The following SLC35A3 variants were observed in gnomAD, a reference collection of about 807,000 sequenced individuals.
SLC35A3 encodes the protein solute carrier family 35 member A3, also known as UDP-N-acetylglucosamine transporter.
A neutral mutation model predicts 39.0 loss-of-function variants in SLC35A3; 26 were observed. The ratio of observed to expected loss-of-function variants is 0.67; its 90% CI spans 0.49 to 0.92. SLC35A3 has a LOEUF of 0.92. Ranked by LOEUF, SLC35A3 falls within the 40% of genes least tolerant of loss-of-function variation. SLC35A3 has a pLI of 0.00. For synonymous variants in SLC35A3, 135 were observed against 133.1 expected (o/e 1.01, Z -0.10); for missense variants, 299 against 371.6 (o/e 0.80, Z 1.61).
At chr1:99,999,438 T>A in intron 3 of SLC35A3, 23 bp downstream of exon 3, 2 of 1,545,044 alleles carry the variant, frequency 1.3e-6, no homozygotes, top group Non-Finnish European at 1.7e-6. Context: ...CATTTCTTTC[T>A]TTTTTAAAAA....
chr1:99,975,311 G>A (rs985342620), intron 1 of SLC35A3, among the ~76,000 whole-genome samples: 16 of 152,038 alleles, frequency 1.1e-4, no homozygotes, highest in Admixed American at 3.9e-4. Flanking sequence ...ATATTGTGGC[G>A]TTTATTTATT....
intron 1 of SLC35A3, among the ~76,000 whole-genome samples, chr1:99,988,820 C>T (rs568856295): frequency 6.6e-6 from 1 of 151,536 alleles, no homozygotes; most frequent in Non-Finnish European, 1.5e-5. Context: ...GGCTAGAATA[C>T]AGCAGTTCAA....
chr1:99,974,420 T>C (rs778531661), intron 1 of SLC35A3, among the ~76,000 whole-genome samples: 6 of 152,246 alleles, frequency 3.9e-5, no homozygotes, highest in Non-Finnish European at 8.8e-5. Flanking sequence ...GAATGTGAAC[T>C]CAGTCTGAGA....
chr1:99,994,485 A>T (rs1658270573), intron 2 of SLC35A3, among the ~76,000 whole-genome samples: 2 of 152,210 alleles, frequency 1.3e-5, no homozygotes, highest in Admixed American at 6.5e-5. Context: ...GTAACCTCTA[A>T]TTCACTTTCT....
At chr1:99,988,480 T>A (rs979673357) in intron 1 of SLC35A3, among the ~76,000 whole-genome samples, 3 of 152,218 alleles carry the variant, frequency 2.0e-5, no homozygotes, top group Admixed American at 6.5e-5. Context: ...AATAAATCTC[T>A]TATAAATATT....
intron 3 of SLC35A3, 30 bp from the exon 4 acceptor site, chr1:100,007,004 C>G: frequency 1.3e-6 from 2 of 1,572,152 alleles, no homozygotes; most frequent in South Asian, 2.4e-5. Flanking sequence ...AACAAACGAA[C>G]ATTAATAATA....
chr1:99,994,651 T>G (rs1029950816), intron 2 of SLC35A3, among the ~76,000 whole-genome samples: 4 of 152,206 alleles, frequency 2.6e-5, no homozygotes, highest in Admixed American at 2.6e-4. Context: ...AACATTCTAT[T>G]GTATGGACGT....
chr1:99,988,779 T>G (rs959905981), intron 1 of SLC35A3, among the ~76,000 whole-genome samples: 3 of 151,818 alleles, frequency 2.0e-5, no homozygotes, highest in Non-Finnish European at 2.9e-5. Context: ...CTATACTCTT[T>G]TTATTTGAGA....
At chr1:99,985,448 A>G (rs1416319053) in intron 1 of SLC35A3, among the ~76,000 whole-genome samples, 4 of 152,154 alleles carry the variant, frequency 2.6e-5, no homozygotes, top group Admixed American at 1.3e-4. Context: ...TAACAGTACC[A>G]TGCTGTTTTA....
intron 7 of SLC35A3, among the ~76,000 whole-genome samples, chr1:100,021,142 C>T (rs1660507352): frequency 6.6e-6 from 1 of 151,858 alleles, no homozygotes; most frequent in Non-Finnish European, 1.5e-5. Context: ...GTGGGCAGAT[C>T]ACTTGAGGTT....
intron 5 of SLC35A3, among the ~76,000 whole-genome samples, chr1:100,012,560 T>G (rs1659744140): frequency 6.6e-6 from 1 of 152,146 alleles, no homozygotes; most frequent in Non-Finnish European, 1.5e-5. Flanking sequence ...TTTTCAAACA[T>G]CAAATTGTCA....
chr1:100,034,726 A>G lies in SLC35A3; in HGVS notation c.*12250A>G, dbSNP rs1436222655. On this transcript the variant is annotated 3_prime_UTR_variant, in exon 8 of 8. Transcript: ENST00000533028. ...GTGCAGTTTCTTTAATAAATTGTGC[A>G]TGGTGGGGGTGGGATTTGGATTCTG... 7.0e-6 allele frequency: 1 copy of G among 142,220 alleles called. No individual in the cohort carries two copies. The allele number at this position is 142,220 out of a possible 1,614,324, so 8.8% of individuals were successfully genotyped here.
rs1315016222 is a variant in SLC35A3, at chr1:100,033,655, A to G, written c.*11179A>G. ...TTGCTTGTCTAGGCCTCTACTATTT[A>G]ATTTGACACCTTTAAATGATGTTCT... On this transcript the variant is annotated 3_prime_UTR_variant, in exon 8 of 8. Coordinates refer to ENST00000533028, the MANE Select transcript of SLC35A3 (RefSeq NM_012243.3). 2.7e-5 allele frequency: 4 copies of G among 147,930 alleles called. No homozygotes were observed. Among genetic ancestry groups the G allele is most frequent in the African/African-American group, 7.4e-5 (3 of 40,328 alleles). 9.2% of individuals were successfully genotyped at this position (147,930 alleles called of 1,614,324 possible).
At chr1:99,997,041 G>A (rs1223737652) in intron 2 of SLC35A3, among the ~76,000 whole-genome samples, 1 of 151,822 alleles carries the variant, frequency 6.6e-6, no homozygotes, top group African/African-American at 2.4e-5. Context: ...TTTTTTTGAG[G>A]AGTTTATGTA....
chr1:100,013,741 C>A (rs1244505757), intron 5 of SLC35A3, among the ~76,000 whole-genome samples: 1 of 151,612 alleles, frequency 6.6e-6, no homozygotes, highest in Non-Finnish European at 1.5e-5. Context: ...TATAAAATAC[C>A]ATCACATGTG....
chr1:99,993,036 T>G (rs552569884), intron 1 of SLC35A3: 1 of 153,242 alleles, frequency 6.5e-6, no homozygotes, highest in East Asian at 1.9e-4. Context: ...GATTACACAG[T>G]AACCAGTTGA....
At chr1:100,005,330 A>C (rs1422878166) in intron 3 of SLC35A3, among the ~76,000 whole-genome samples, 1 of 152,186 alleles carries the variant, frequency 6.6e-6, no homozygotes, top group African/African-American at 2.4e-5. Context: ...GTTGTTTCAA[A>C]ACTTTATTTA....
rs565679534 is a variant in SLC35A3 at position 99,986,252 on chromosome 1, C to T, written c.-18-7285C>T. Among the ~76,000 whole-genome samples the T allele has an allele frequency of 3.9e-3, 583 of 150,606 alleles. 8 individuals carry two copies. The highest frequency in any genetic ancestry group is 6.5e-3 in the Non-Finnish European group (439 of 67,770). The stretch of plus-strand genomic sequence containing the variant: ...CCACCATGGTTCACTGCAGCCTCGA[C>T]CTCCCGAGCTCAAGTGATCCTCTGA... On this transcript the variant is annotated intron_variant, in intron 1 of 7. Transcript: ENST00000533028.
chr1:99,999,326 C>G lies in SLC35A3; in HGVS notation c.253C>G (p.Leu85Val). Residue 85 changes from leucine (L) to valine (V), a missense_variant, in exon 3 of 8, where the codon CTT becomes GTT. Leu to Val is a conservative substitution (Grantham distance 32). Transcript: ENST00000533028. ...DEILNKPMETLKLAIPSGIYT... is the reference protein window; with the variant it reads ...DEILNKPMETVKLAIPSGIYT... Reference sequence around the variant, plus strand: ...AATTCTTAATAAACCTATGGAAACACTTAAACTTGCTATTCCATCAGGGAT... The same window carrying G: ...AATTCTTAATAAACCTATGGAAACAGTTAAACTTGCTATTCCATCAGGGAT... The G allele has an allele frequency of 6.3e-7, 1 of 1,599,918 alleles. No individual in the cohort carries two copies. Among genetic ancestry groups the G allele is most frequent in the Non-Finnish European group, 8.5e-7 (1 of 1,171,854 alleles).
Sources: allele counts gnomAD v4.1 joint callset (sites outside exome capture counted in the v4.1 genomes callset), GRCh38; gene constraint gnomAD v4.1.1; transcripts MANE v1.5; gene names NCBI Gene and HGNC (gene_info 2026-07-23, HGNC 2026-07-21).